SKI: variants seen among roughly 807,000 people sequenced by gnomAD.
The protein encoded by SKI is ski oncogene.
In SKI, 23 loss-of-function variants were observed where a neutral mutation model predicts 59.3. That is an observed-to-expected ratio of 0.39 (90% CI 0.28 to 0.55). The LOEUF (loss-of-function observed/expected upper bound fraction) is 0.55, where lower values mean the gene tolerates loss of function less well. SKI is among the 20% of genes least tolerant of loss of function. The pLI is 0.67. For synonymous variants in SKI, 673 were observed against 488.6 expected, an observed-to-expected ratio of 1.38 and a Z score of -4.98; for missense variants, 1,017 against 1,038.9, an observed-to-expected ratio of 0.98 and a Z score of 0.29.
At chr1:2,257,420 G>A (rs1639296824) in intron 1 of SKI, among the ~76,000 whole-genome samples, 1 of 152,244 alleles carries the variant, frequency 6.6e-6, no homozygotes, top group Non-Finnish European at 1.5e-5. Context: ...CTTCTGCAAG[G>A]CCTCCCCTCC....
In SKI at chr1:2,242,696, T is replaced by A. The variant is rs533963110; in HGVS notation, c.969+12961T>A. Among the ~76,000 whole-genome samples the A allele has an allele frequency of 2.6e-5, 4 of 152,108 alleles. No individual in the cohort carries two copies. The South Asian group carries it at 8.3e-4, about 32-fold the overall frequency. On this transcript the variant is annotated intron_variant, in intron 1 of 6. Coordinates refer to ENST00000378536, the MANE Select transcript of SKI (RefSeq NM_003036.4). Reference sequence around the variant, plus strand: ...CACCACGCCTGGCGGATATTTTTTTTAATTTTAGAGATGTGATCTCCGTTT... The same window carrying A: ...CACCACGCCTGGCGGATATTTTTTTAAATTTTAGAGATGTGATCTCCGTTT...
intron 1 of SKI, among the ~76,000 whole-genome samples, chr1:2,280,197 G>GT (rs1264049516): frequency 1.3e-5 from 2 of 150,380 alleles, no homozygotes; most frequent in African/African-American, 5.0e-5. Flanking sequence ...GTGAAACCAC[G>GT]TATCTACTAA....
At chr1:2,234,400 T>C in intron 1 of SKI, among the ~76,000 whole-genome samples, 1 of 152,152 alleles carries the variant, frequency 6.6e-6, no homozygotes, top group East Asian at 1.9e-4. Flanking sequence ...GGGGGGCTAG[T>C]CCTCTCTTTC....
intron 1 of SKI, among the ~76,000 whole-genome samples, chr1:2,241,840 A>G (rs1376978640): frequency 6.6e-6 from 1 of 152,206 alleles, no homozygotes; most frequent in African/African-American, 2.4e-5. Context: ...CAATTTCCGG[A>G]CACCAGCCCA....
chr1:2,262,207 G>C lies in SKI; in HGVS notation c.969+32472G>C, dbSNP rs80341586. 0.012 allele frequency among the ~76,000 whole-genome samples: 1,748 copies of C among 143,778 alleles called. 71 individuals are homozygous for C. The East Asian group carries it at 0.13, about 11-fold the overall frequency. The allele number at this position is 143,778 out of a possible 152,430, so 94.3% of individuals were successfully genotyped here. On this transcript the variant is annotated intron_variant, in intron 1 of 6. Coordinates refer to ENST00000378536, the MANE Select transcript of SKI (RefSeq NM_003036.4). ...TTGATCTCCTAGTCTGGAAGGCGTG[G>C]AATCAGAGTTTGGATGGGAGTGGTG...
chr1:2,240,303 C>T (rs1638841546), intron 1 of SKI, among the ~76,000 whole-genome samples: 1 of 152,218 alleles, frequency 6.6e-6, no homozygotes. Context: ...GCAGAGAAGT[C>T]AGGGAGGAGG....
At chr1:2,233,212 G>C in intron 1 of SKI, among the ~76,000 whole-genome samples, 1 of 144,602 alleles carries the variant, frequency 6.9e-6, no homozygotes, top group Non-Finnish European at 1.5e-5. Flanking sequence ...GGGGGCCGGG[G>C]TTTCTGTTCC....
chr1:2,288,677 G>C (rs1640097634), intron 1 of SKI, among the ~76,000 whole-genome samples: 1 of 152,222 alleles, frequency 6.6e-6, no homozygotes, highest in Non-Finnish European at 1.5e-5. Flanking sequence ...CACAGAGTCA[G>C]CTGGCAGTGG....
intron 1 of SKI, among the ~76,000 whole-genome samples, chr1:2,251,763 G>C (rs1369225203): frequency 6.6e-6 from 1 of 152,206 alleles, no homozygotes; most frequent in East Asian, 1.9e-4. Context: ...GCTTTTTCTA[G>C]AAAAATGAAC....
chr1:2,302,731 T>G (rs1640456016), intron 1 of SKI, among the ~76,000 whole-genome samples: 1 of 152,194 alleles, frequency 6.6e-6, no homozygotes, highest in Non-Finnish European at 1.5e-5. Context: ...AGGTCCACTC[T>G]GTTCTCTCGG....
intron 1 of SKI, among the ~76,000 whole-genome samples, chr1:2,243,393 C>T (rs2100811866): frequency 6.6e-6 from 1 of 152,360 alleles, no homozygotes; most frequent in Non-Finnish European, 1.5e-5. Context: ...CTTTCTGCAG[C>T]TGTGGGTGCA....
chr1:2,234,652 CAGG>C (rs1441328494), intron 1 of SKI, among the ~76,000 whole-genome samples: 1 of 152,220 alleles, frequency 6.6e-6, no homozygotes, highest in African/African-American at 2.4e-5. Context: ...GACTGTCTGG[CAGG>C]AGGTGTCCAC....
chr1:2,285,940 C>CTCGG (rs1640032108), intron 1 of SKI, among the ~76,000 whole-genome samples: 1 of 139,182 alleles, frequency 7.2e-6, no homozygotes, highest in Non-Finnish European at 1.5e-5. Context: ...GTGGCACGAT[C>CTCGG]TCGGCTCACT....
At chr1:2,230,121 TCAGGCC>T (rs1638600394) in intron 1 of SKI, among the ~76,000 whole-genome samples, 1 of 152,190 alleles carries the variant, frequency 6.6e-6, no homozygotes, top group Non-Finnish European at 1.5e-5. Context: ...CCCGGATGCC[TCAGGCC>T]CAGGTCTTTC....
At chr1:2,304,736 T>C (rs1335176244) in intron 5 of SKI, 151 bp downstream of exon 5, 1 of 1,335,692 alleles carries the variant, frequency 7.5e-7, no homozygotes, top group African/African-American at 1.5e-5. Flanking sequence ...CCTGGGACCT[T>C]GGGGGTCCGT....
rs1013195862 is a variant in SKI at position 2,270,277 on chromosome 1, C to A, written c.970-32701C>A. Among the ~76,000 whole-genome samples the A allele has an allele frequency of 6.6e-6, 1 of 152,210 alleles. No individual in the cohort carries two copies. On this transcript the variant is annotated intron_variant, in intron 1 of 6. Transcript: ENST00000378536. The surrounding 1 kb of genome is among the most constrained non-coding windows in gnomAD (Gnocchi z 4.1). ...GGTCCTGGACCTGCTGCGTGTTATC[C>A]TCCCTGCGGGCCTGGCATGGGAGTA...
chr1:2,256,081 G>A (rs1639268107), intron 1 of SKI, among the ~76,000 whole-genome samples: 2 of 149,120 alleles, frequency 1.3e-5, no homozygotes, highest in African/African-American at 2.5e-5. Context: ...GGAGCACTCT[G>A]TGTACTGACC....
chr1:2,229,881 C>T lies in SKI; in HGVS notation c.969+146C>T. On this transcript the variant is annotated intron_variant, in intron 1 of 6. Coordinates refer to ENST00000378536, the MANE Select transcript of SKI (RefSeq NM_003036.4). The surrounding 1 kb of genome is among the most constrained non-coding windows in gnomAD (Gnocchi z 6.3). ...GTCTTCGCTTTGTTTTAGGGAAATT[C>T]AGAGTGTTCCGACTGGCAGGGCCAG... The T allele has an allele frequency of 7.0e-7, 1 of 1,435,730 alleles. No individual in the cohort carries two copies. Among genetic ancestry groups the T allele is most frequent in the Admixed American group, 2.2e-5 (1 of 44,578 alleles). 88.9% of individuals were successfully genotyped at this position (1,435,730 alleles called of 1,614,324 possible).
At chr1:2,247,407 C>A (rs777862260) in intron 1 of SKI, among the ~76,000 whole-genome samples, 12 of 152,194 alleles carry the variant, frequency 7.9e-5, no homozygotes, top group African/African-American at 2.9e-4. Flanking sequence ...TCCCTCCTTT[C>A]TTCTGGCTCT....
Sources: gnomAD v4.1 joint callset for allele counts (sites outside exome capture counted in the v4.1 genomes callset) on GRCh38, gnomAD v4.1.1 for gene constraint, Gnocchi (gnomAD v3.1) non-coding constraint, MANE v1.5 for transcripts, NCBI Gene and HGNC (gene_info 2026-07-23, HGNC 2026-07-21) for gene names.